Variants in PIGG observed in about 807,000 individuals in gnomAD.
The protein encoded by PIGG is phosphatidylinositol glycan anchor biosynthesis class G (EMM blood group).
PIGG carries 70 observed loss-of-function variants against 83.2 expected under a neutral mutation model. The ratio of observed to expected loss-of-function variants is 0.84; its 90% CI spans 0.69 to 1.03. PIGG has a LOEUF of 1.03. Among genes scored for constraint, PIGG ranks in the 50% least tolerant of loss-of-function variants. PIGG has a pLI of 0.00. For missense variants in PIGG, 1,257 were observed against 1,233.6 expected (o/e 1.02, Z -0.28); for synonymous variants, 532 against 519.5 (o/e 1.02, Z -0.33).
At chr4:510,314 A>G (rs1384111778) in intron 5 of PIGG, among the ~76,000 whole-genome samples, 1 of 152,252 alleles carries the variant, frequency 6.6e-6, no homozygotes, top group Non-Finnish European at 1.5e-5. Context: ...AGTTAACCGC[A>G]GCAGGAGCAT....
At chr4:499,776 G>A in intron 1 of PIGG, 1 of 1,264,550 alleles carries the variant, frequency 7.9e-7, no homozygotes, top group Non-Finnish European at 1.0e-6. Flanking sequence ...TACTCGTCCA[G>A]AGCTCCCGCC....
rs750903602 is a variant in PIGG at position 530,596 on chromosome 4, C to T, written c.2422C>T (p.Leu808Phe). ...TGGATTAGTTCTTCTGGCAGCCTTG[C>T]TCTTTAGACCACATAATCTTCCGGT... ...YSGLVLLAAL[L>F]FRPHNLPVLA... The change falls in exon 11 of 13, where the codon CTC becomes TTC. Residue 808 changes from leucine (L) to phenylalanine (F), a missense_variant. By Grantham distance (22) the Leu-to-Phe change is conservative. Transcript: ENST00000453061. 1 of 1,613,942 alleles carries T rather than the reference C, an allele frequency of 6.2e-7. No homozygotes were observed. The highest frequency in any genetic ancestry group is 8.5e-7 in the Non-Finnish European group (1 of 1,179,860).
intron 12 of PIGG, among the ~76,000 whole-genome samples, chr4:538,489 C>G (rs1731283773): frequency 6.6e-6 from 1 of 152,286 alleles, no homozygotes; most frequent in Non-Finnish European, 1.5e-5. Context: ...TTGTGATTTT[C>G]TATTCATCGT....
intron 1 of PIGG, 118 bp downstream of exon 1, chr4:499,607 T>C: frequency 7.0e-7 from 1 of 1,432,224 alleles, no homozygotes; most frequent in Non-Finnish European, 9.1e-7. Flanking sequence ...TCTTCCATTA[T>C]GGTCCCCACC....
Position 529,729 on chromosome 4 carries a change from C to G in PIGG, c.2262-707C>G, listed in dbSNP as rs182563781. Among the ~76,000 whole-genome samples the G allele has an allele frequency of 3.7e-3, 558 of 152,244 alleles. 3 individuals carry two copies. Among genetic ancestry groups the G allele is most frequent in the African/African-American group, 0.013 (532 of 41,556 alleles). On this transcript the variant is annotated intron_variant, in intron 10 of 12. Coordinates refer to ENST00000453061, the MANE Select transcript of PIGG (RefSeq NM_001127178.3). ...TGTGTGCCAAGCACTCCCTGCATTC[C>G]CTTGCTTAATTCCTAGGATGACTTT...
chr4:538,359 T>C (rs1353301187), intron 12 of PIGG, among the ~76,000 whole-genome samples: 3 of 152,208 alleles, frequency 2.0e-5, no homozygotes, highest in Non-Finnish European at 2.9e-5. Context: ...GTGGCTCTTA[T>C]TCCGAGAATT....
chr4:520,496 GGTT>G (rs1294910325), intron 6 of PIGG, among the ~76,000 whole-genome samples: 1 of 152,146 alleles, frequency 6.6e-6, no homozygotes, highest in Non-Finnish European at 1.5e-5. Flanking sequence ...TTTCCAAAGA[GGTT>G]GTAAGGAAGT....
At position 530,999 on chromosome 4, in the gene PIGG, C is replaced by A. The variant is rs148904379; in HGVS notation, c.2571+254C>A. 421 of 488,230 alleles carry A rather than the reference C, an allele frequency of 8.6e-4. 1 individual carries two copies. Among genetic ancestry groups the A allele is most frequent in the African/African-American group, 7.7e-3 (394 of 51,458 alleles). The allele number at this position is 488,230 out of a possible 1,614,324, so 30.2% of individuals were successfully genotyped here. ...GGGCCAGGCCTGGGTTTATTTATTACAAGCAGTTCAGGAAGCACAGACATC... is the reference window on the plus strand; with the variant it reads ...GGGCCAGGCCTGGGTTTATTTATTAAAAGCAGTTCAGGAAGCACAGACATC... On this transcript the variant is annotated intron_variant, in intron 11 of 12. Coordinates refer to ENST00000453061, the MANE Select transcript of PIGG (RefSeq NM_001127178.3).
chr4:533,820 C>T lies in PIGG; in HGVS notation c.2574C>T (p.Gly858=). The change falls in exon 12 of 13, where the codon GGC becomes GGT. Residue 858 remains glycine, a splice_region_variant and synonymous_variant. Coordinates refer to ENST00000453061, the MANE Select transcript of PIGG (RefSeq NM_001127178.3). ...TCAGCTCTTCTCCTGTATTCCAGGG[C>T]AACTCCAACAACATTGCCACCGTGG... The part of the protein sequence containing the change: ...WFGQAFFYFQ[G]NSNNIATVDI... The T allele has an allele frequency of 6.2e-7, 1 of 1,614,050 alleles. No homozygotes were observed. Among genetic ancestry groups the T allele is most frequent in the South Asian group, 1.1e-5 (1 of 91,076 alleles).
intron 11 of PIGG, chr4:532,853 G>C (rs927940083): frequency 5.2e-5 from 8 of 152,826 alleles, no homozygotes; most frequent in African/African-American, 1.9e-4. Flanking sequence ...AGACATCAGA[G>C]TCAGTAAAGA....
rs2109075461 is a variant in PIGG, at chr4:539,535, T to C, written c.*166T>C. On this transcript the variant is annotated 3_prime_UTR_variant, in exon 13 of 13. Coordinates refer to ENST00000453061, the MANE Select transcript of PIGG (RefSeq NM_001127178.3). ...TAAAAGATCACTTTAATATACAGTT[T>C]GTATCATATTTTCCCCCATTGACAA... The C allele has an allele frequency of 1.7e-6, 1 of 595,026 alleles. No homozygotes were observed. The highest frequency in any genetic ancestry group is 2.1e-5 in the South Asian group (1 of 48,090). 36.9% of individuals were successfully genotyped at this position (595,026 alleles called of 1,614,324 possible).
chr4:501,043 G>A (rs191545326), intron 2 of PIGG: 457 of 439,658 alleles, frequency 1.0e-3, no homozygotes, highest in African/African-American at 8.7e-3. Context: ...TATACATAAT[G>A]ATCAAATCAG....
At chr4:532,502 G>T (rs979061806) in intron 11 of PIGG, 6 of 152,348 alleles carry the variant, frequency 3.9e-5, no homozygotes, top group African/African-American at 1.2e-4. Context: ...ACATGACTGG[G>T]GTGGCACCGT....
At chr4:506,646 GA>G (rs1719816201) in intron 3 of PIGG, 4 of 393,922 alleles carry the variant, frequency 1.0e-5, no homozygotes, top group African/African-American at 8.3e-5. Flanking sequence ...CTTCATAGGA[GA>G]TTTTTTTAGT....
chr4:510,733 A>G (rs188499320), intron 5 of PIGG, among the ~76,000 whole-genome samples: 6 of 152,072 alleles, frequency 3.9e-5, no homozygotes, highest in Non-Finnish European at 5.9e-5. Context: ...ACTCTGGTGT[A>G]CTCACAGCAT....
chr4:525,167 G>A, intron 9 of PIGG: 6 of 984,474 alleles, frequency 6.1e-6, no homozygotes, highest in Non-Finnish European at 7.2e-6. Context: ...TCCTCATCCT[G>A]AAGGGACAGA....
chr4:502,489 A>C (rs1413207979), intron 2 of PIGG, among the ~76,000 whole-genome samples: 6 of 152,220 alleles, frequency 3.9e-5, no homozygotes, highest in African/African-American at 1.4e-4. Flanking sequence ...ATTTGTAACC[A>C]GACGCCAACC....
intron 5 of PIGG, among the ~76,000 whole-genome samples, chr4:512,374 C>T (rs1553884090): frequency 6.6e-6 from 1 of 151,684 alleles, no homozygotes; most frequent in African/African-American, 2.4e-5. Flanking sequence ...CACCCACCAC[C>T]ACCGGTTAAT....
In PIGG at chr4:508,895, A is replaced by G. The variant is rs373951989; in HGVS notation, c.826A>G (p.Ser276Gly). ...CGDHGMSETG[S>G]HGASSTEEVN... Reference sequence around the variant, plus strand: ...TGACCATGGCATGTCTGAAACAGGAAGTCACGGGGCCTCCTCCACCGAGGA... The same window carrying G: ...TGACCATGGCATGTCTGAAACAGGAGGTCACGGGGCCTCCTCCACCGAGGA... The change falls in exon 5 of 13, where the codon AGT becomes GGT. Residue 276 changes from serine (S) to glycine (G), a missense_variant. Coordinates refer to ENST00000453061, the MANE Select transcript of PIGG (RefSeq NM_001127178.3). 2.9e-4 allele frequency: 464 copies of G among 1,613,460 alleles called. No individual in the cohort carries two copies. Among genetic ancestry groups the G allele is most frequent in the Non-Finnish European group, 3.4e-4 (401 of 1,179,504 alleles).
Sources: gnomAD v4.1 joint callset for allele counts (sites outside exome capture counted in the v4.1 genomes callset) on GRCh38, gnomAD v4.1.1 for gene constraint, MANE v1.5 for transcripts, NCBI Gene and HGNC (gene_info 2026-07-23, HGNC 2026-07-21) for gene names.